ERCC6: variants seen among roughly 807,000 people sequenced by gnomAD.
ERCC6 encodes the protein DNA excision repair protein ERCC-6.
A neutral mutation model predicts 158.7 loss-of-function variants in ERCC6; 116 were observed. The observed-to-expected ratio is 0.73, with a 90% confidence interval of 0.63 to 0.85. The LOEUF is 0.85. Among genes scored for constraint, ERCC6 ranks in the 40% least tolerant of loss-of-function variants. The pLI, the probability that ERCC6 is intolerant of heterozygous loss-of-function variation, is 0.00. For missense variants in ERCC6, 1,698 were observed against 1,799.4 expected, an observed-to-expected ratio of 0.94 and a Z score of 1.02; for synonymous variants, 678 against 659.3, an observed-to-expected ratio of 1.03 and a Z score of -0.43.
rs1392240643 is a variant in ERCC6, at chr10:49,456,872, G to A, written c.*1943C>T. On this transcript the variant is annotated 3_prime_UTR_variant, in exon 21 of 21. Transcript: ENST00000355832. ...ACAATGTGTCAGATCTCCACACTGA[G>A]ACACCACCTTCCCAAGATCATGGTA... 6.6e-6 allele frequency: 1 copy of A among 152,092 alleles called. No homozygotes were observed. Among genetic ancestry groups the A allele is most frequent in the Non-Finnish European group, 1.5e-5 (1 of 68,012 alleles). The allele number at this position is 152,092 out of a possible 1,614,324, so 9.4% of individuals were successfully genotyped here.
At chr10:49,512,969 A>T (rs1428795255) in intron 5 of ERCC6, among the ~76,000 whole-genome samples, 1 of 152,216 alleles carries the variant, frequency 6.6e-6, no homozygotes, top group Non-Finnish European at 1.5e-5. Flanking sequence ...TCACCTTTTC[A>T]TACGTATGAG....
At chr10:49,449,324 A>G (rs1023742272), downstream of ERCC6, among the ~76,000 whole-genome samples, 9 of 152,074 alleles carry the variant, frequency 5.9e-5, no homozygotes, top group East Asian at 1.5e-3. Flanking sequence ...GTTATTTCTG[A>G]GTCTTTATTA....
chr10:49,446,227 TCA>T, the ERCC6 span, among the ~76,000 whole-genome samples: 92 of 92,020 alleles, frequency 1.0e-3, 1 homozygote, highest in African/African-American at 2.2e-3. Context: ...CACAAAAACG[TCA>T]CACACACACA....
At chr10:49,447,766 C>A in the ERCC6 span, among the ~76,000 whole-genome samples, 1 of 151,648 alleles carries the variant, frequency 6.6e-6, no homozygotes. Flanking sequence ...CTCTCACAAC[C>A]ATTCATCTGC....
At chr10:49,506,078 C>T (rs1350708648) in intron 5 of ERCC6, 66 bp from the exon 6 acceptor site, 5 of 1,590,636 alleles carry the variant, frequency 3.1e-6, no homozygotes, top group South Asian at 2.2e-5. Context: ...AAAGATAGCT[C>T]CTGATAATGT....
Position 49,524,649 on chromosome 10 carries a change from T to TGG in ERCC6, c.779_780dup (p.Arg261ProfsTer69), listed in dbSNP as rs1254008304. 6.2e-7 allele frequency: 1 copy of TGG among 1,614,068 alleles called. No homozygotes were observed. Among genetic ancestry groups the TGG allele is most frequent in the East Asian group, 2.2e-5 (1 of 44,898 alleles). ...GATGCTTCATTAAGCATGATTTTTC[T>TGG]GGGCTTTTTCTCCTGTTTCTGAGGG... On this transcript the variant is annotated frameshift_variant, in exon 5 of 21. Coordinates refer to ENST00000355832, the MANE Select transcript of ERCC6 (RefSeq NM_000124.4). LOFTEE classifies it high-confidence loss of function.
At chr10:49,539,235 C>T (rs1397647787), upstream of ERCC6, among the ~76,000 whole-genome samples, 1 of 152,284 alleles carries the variant, frequency 6.6e-6, no homozygotes, top group South Asian at 2.1e-4. Flanking sequence ...AAAGCTGTCT[C>T]CGCTGCCGGT....
intron 15 of ERCC6, 166 bp downstream of exon 15, chr10:49,472,743 C>A (rs1850803374): frequency 1.2e-6 from 1 of 841,340 alleles, no homozygotes; most frequent in Admixed American, 2.6e-5. Flanking sequence ...TGGTTCCTGT[C>A]CATTTGACTC....
chr10:49,467,606 C>T (rs1850700531), intron 18 of ERCC6, among the ~76,000 whole-genome samples: 2 of 152,172 alleles, frequency 1.3e-5, no homozygotes. Context: ...CGCTCTGCTG[C>T]CCAGGCTGGA....
chr10:49,458,427 G>T lies in ERCC6; in HGVS notation c.*388C>A, dbSNP rs886047029. ...ACTTATTGAACAGGTCTGACTGAAT[G>T]TAAGACCTGTTTTTAGCACCAATAA... On this transcript the variant is annotated 3_prime_UTR_variant, in exon 21 of 21. Transcript: ENST00000355832. 8 of 247,606 alleles carry T rather than the reference G, an allele frequency of 3.2e-5. No individual in the cohort carries two copies. Among genetic ancestry groups the T allele is most frequent in the Admixed American group, 3.1e-4 (6 of 19,342 alleles). The allele number at this position is 247,606 out of a possible 1,614,324, so 15.3% of individuals were successfully genotyped here.
chr10:49,435,068 C>A, the ERCC6 span, among the ~76,000 whole-genome samples: 1 of 152,016 alleles, frequency 6.6e-6, no homozygotes, highest in Non-Finnish European at 1.5e-5. Flanking sequence ...ATAAACAAGA[C>A]AAAAAGCATT....
chr10:49,493,937 C>A (rs1435627169), intron 7 of ERCC6, among the ~76,000 whole-genome samples: 2 of 152,236 alleles, frequency 1.3e-5, no homozygotes, highest in African/African-American at 4.8e-5. Flanking sequence ...GCTGGCACTG[C>A]TGTGTGGGCA....
chr10:49,451,732 T>C (rs1183354387), downstream of ERCC6, among the ~76,000 whole-genome samples: 1 of 152,224 alleles, frequency 6.6e-6, no homozygotes, highest in Non-Finnish European at 1.5e-5. Context: ...TTTCTTGTAA[T>C]ATCTTTGAGC....
At chr10:49,442,322 G>A in the ERCC6 span, among the ~76,000 whole-genome samples, 21 of 152,306 alleles carry the variant, frequency 1.4e-4, no homozygotes, top group African/African-American at 5.1e-4. Context: ...TGCCCAGGTC[G>A]GCCTTGATTG....
intron 12 of ERCC6, among the ~76,000 whole-genome samples, chr10:49,475,066 C>T (rs1477661556): frequency 6.6e-6 from 1 of 152,126 alleles, no homozygotes; most frequent in Non-Finnish European, 1.5e-5. Flanking sequence ...GGTAAACCTC[C>T]CCAGAGTCAT....
chr10:49,493,032 A>G, intron 8 of ERCC6, 85 bp downstream of exon 8: 1 of 1,389,148 alleles, frequency 7.2e-7, no homozygotes, highest in Non-Finnish European at 1.0e-6. Context: ...TATACATTTG[A>G]GAAACACATG....
At chr10:49,492,563 C>T (rs1335918053) in intron 8 of ERCC6, among the ~76,000 whole-genome samples, 2 of 152,118 alleles carry the variant, frequency 1.3e-5, no homozygotes, top group Non-Finnish European at 1.5e-5. Context: ...AGATAAAGCT[C>T]TTTTTTGATA....
At chr10:49,528,279 C>A in intron 4 of ERCC6, 138 bp downstream of exon 4, 1 of 1,012,394 alleles carries the variant, frequency 9.9e-7, no homozygotes, top group East Asian at 2.6e-5. Flanking sequence ...TAAAATTTTC[C>A]TAAATCTGTT....
chr10:49,478,603 G>T, intron 10 of ERCC6, 133 bp from the exon 11 acceptor site: 1 of 723,358 alleles, frequency 1.4e-6, no homozygotes, highest in Non-Finnish European at 2.5e-6. Flanking sequence ...AGTGGGAAAT[G>T]ATTGCAAAAT....
Sources: allele counts gnomAD v4.1 joint callset (sites outside exome capture counted in the v4.1 genomes callset), GRCh38; gene constraint gnomAD v4.1.1; transcripts MANE v1.5; gene names NCBI Gene and HGNC (gene_info 2026-07-23, HGNC 2026-07-21).